ST6GALNAC5: variants seen among roughly 807,000 people sequenced by gnomAD.
The protein encoded by ST6GALNAC5 is alpha-N-acetylgalactosaminide alpha-2,6-sialyltransferase 5.
A neutral mutation model predicts 33.6 loss-of-function variants in ST6GALNAC5; 27 were observed. That is an observed-to-expected ratio of 0.80 (90% confidence interval 0.59 to 1.11). The LOEUF (loss-of-function observed/expected upper bound fraction) is 1.11. Ranked by LOEUF, ST6GALNAC5 falls within the 50% of genes least tolerant of loss-of-function variation. ST6GALNAC5 has a pLI of 0.00. For synonymous variants in ST6GALNAC5, 194 were observed against 171.2 expected (o/e 1.13, Z -1.04); for missense variants, 428 against 454.0 (o/e 0.94, Z 0.52).
chr1:76,993,501 G>A (rs913169748), intron 2 of ST6GALNAC5, among the ~76,000 whole-genome samples: 4 of 152,168 alleles, frequency 2.6e-5, no homozygotes, highest in African/African-American at 9.7e-5. Context: ...GGAATTTTGT[G>A]AGAAATATGG....
chr1:77,019,407 T>G (rs1450912695), intron 2 of ST6GALNAC5, among the ~76,000 whole-genome samples: 2 of 152,216 alleles, frequency 1.3e-5, no homozygotes, highest in East Asian at 3.9e-4. Flanking sequence ...TGTTCTGTTC[T>G]CATCATATTG....
At chr1:77,004,982 G>A (rs1001532530) in intron 2 of ST6GALNAC5, among the ~76,000 whole-genome samples, 22 of 149,330 alleles carry the variant, frequency 1.5e-4, no homozygotes, top group African/African-American at 5.3e-4. Flanking sequence ...GGAGCCTACA[G>A]ACGCAGGCAG....
chr1:76,931,148 A>G (rs1647137193), intron 2 of ST6GALNAC5, among the ~76,000 whole-genome samples: 1 of 152,114 alleles, frequency 6.6e-6, no homozygotes. Flanking sequence ...GACTTCTGGC[A>G]GCTTCTAGTG....
At chr1:76,966,412 T>C (rs1648481056) in intron 2 of ST6GALNAC5, among the ~76,000 whole-genome samples, 1 of 152,232 alleles carries the variant, frequency 6.6e-6, no homozygotes, top group Admixed American at 6.5e-5. Flanking sequence ...CTGTTATTGG[T>C]ATTTAGGAAT....
At chr1:76,970,030 C>G (rs1648679330) in intron 2 of ST6GALNAC5, among the ~76,000 whole-genome samples, 1 of 152,036 alleles carries the variant, frequency 6.6e-6, no homozygotes, top group South Asian at 2.1e-4. Context: ...GACATCCACA[C>G]CAAAACCCCA....
At chr1:76,977,905 T>C (rs1218118451) in intron 2 of ST6GALNAC5, among the ~76,000 whole-genome samples, 1 of 152,172 alleles carries the variant, frequency 6.6e-6, no homozygotes, top group Non-Finnish European at 1.5e-5. Flanking sequence ...TCTGCATCCT[T>C]TTCCATAATG....
chr1:76,921,528 A>G (rs546811946), intron 2 of ST6GALNAC5, among the ~76,000 whole-genome samples: 5 of 152,328 alleles, frequency 3.3e-5, no homozygotes, highest in African/African-American at 7.2e-5. Flanking sequence ...AGGGATTTCA[A>G]TACAAATTCT....
At chr1:77,052,279 G>A (rs1244703240) in intron 4 of ST6GALNAC5, among the ~76,000 whole-genome samples, 1 of 152,214 alleles carries the variant, frequency 6.6e-6, no homozygotes. Flanking sequence ...CATAAAGCCT[G>A]TTAAAGGAAG....
At chr1:76,905,766 G>T (rs757557354) in intron 2 of ST6GALNAC5, among the ~76,000 whole-genome samples, 2 of 152,136 alleles carry the variant, frequency 1.3e-5, no homozygotes, top group Non-Finnish European at 2.9e-5. Context: ...TGCAAATAGG[G>T]TTCCATGTAT....
chr1:76,990,072 T>G (rs1192340667), intron 2 of ST6GALNAC5, among the ~76,000 whole-genome samples: 1 of 152,162 alleles, frequency 6.6e-6, no homozygotes, highest in Non-Finnish European at 1.5e-5. Context: ...CTCCTGAAGT[T>G]TATTTAACAA....
chr1:77,052,106 T>A (rs1652239082), intron 4 of ST6GALNAC5, among the ~76,000 whole-genome samples: 1 of 152,328 alleles, frequency 6.6e-6, no homozygotes, highest in South Asian at 2.1e-4. Context: ...TGGCTCTGAG[T>A]TTCTCTTCCT....
chr1:77,020,185 T>C (rs926998944), intron 2 of ST6GALNAC5, among the ~76,000 whole-genome samples: 1 of 152,198 alleles, frequency 6.6e-6, no homozygotes, highest in African/African-American at 2.4e-5. Context: ...TTATGAGGTA[T>C]ATGAAGATAA....
chr1:76,895,748 G>A lies in ST6GALNAC5; in HGVS notation c.261+27006G>A, dbSNP rs1197898870. On this transcript the variant is annotated intron_variant, in intron 2 of 4. Coordinates refer to ENST00000477717, the MANE Select transcript of ST6GALNAC5 (RefSeq NM_030965.3). ...AGGGCATGTATGAGTAGTTGAGAAC[G>A]GTGAATAGGAGTATGACTAGACAGA... Among the ~76,000 whole-genome samples the A allele has an allele frequency of 3.3e-5, 5 of 152,180 alleles. No individual in the cohort carries two copies. The East Asian group carries it at 5.8e-4, about 18-fold the overall frequency.
chr1:76,944,203 T>C (rs1647431599), intron 2 of ST6GALNAC5, among the ~76,000 whole-genome samples: 1 of 152,148 alleles, frequency 6.6e-6, no homozygotes, highest in African/African-American at 2.4e-5. Context: ...CTGAGAAAAC[T>C]GGCAACAATT....
At chr1:76,933,894 C>T (rs1647170212) in intron 2 of ST6GALNAC5, among the ~76,000 whole-genome samples, 1 of 151,726 alleles carries the variant, frequency 6.6e-6, no homozygotes, top group East Asian at 2.0e-4. Flanking sequence ...GCACTGGCAA[C>T]AGGACTCTCT....
intron 2 of ST6GALNAC5, among the ~76,000 whole-genome samples, chr1:76,970,963 A>C (rs913034030): frequency 1.4e-4 from 21 of 152,070 alleles, no homozygotes; most frequent in African/African-American, 5.1e-4. Flanking sequence ...TTTTTTTCCA[A>C]AACCACTTTT....
chr1:77,003,631 G>A (rs1277786212), intron 2 of ST6GALNAC5, among the ~76,000 whole-genome samples: 34 of 152,142 alleles, frequency 2.2e-4, no homozygotes, highest in African/African-American at 8.2e-4. Context: ...GGCTGGTACT[G>A]GTTGTTCCTT....
chr1:76,980,975 T>A (rs1649225291), intron 2 of ST6GALNAC5, among the ~76,000 whole-genome samples: 1 of 152,228 alleles, frequency 6.6e-6, no homozygotes, highest in Non-Finnish European at 1.5e-5. Context: ...ATATATGTGA[T>A]AAGGGACTTG....
intron 2 of ST6GALNAC5, among the ~76,000 whole-genome samples, chr1:76,918,303 G>A (rs1351882704): frequency 1.3e-5 from 2 of 152,022 alleles, no homozygotes; most frequent in Non-Finnish European, 2.9e-5. Context: ...CACAACATCA[G>A]TAATGGAAGA....
Sources: gnomAD v4.1 joint callset for allele counts (sites outside exome capture counted in the v4.1 genomes callset) on GRCh38, gnomAD v4.1.1 for gene constraint, MANE v1.5 for transcripts, NCBI Gene and HGNC (gene_info 2026-07-23, HGNC 2026-07-21) for gene names.